SMIM30: variants seen among roughly 807,000 people sequenced by gnomAD.
SMIM30 encodes small integral membrane protein 30, also known as long intergenic non-protein coding RNA 998.
For synonymous variants in SMIM30, 19 were observed against 11.5 expected, an observed-to-expected ratio of 1.65 and a Z score of -1.31; for missense variants, 43 against 27.6, an observed-to-expected ratio of 1.56 and a Z score of -1.25.
chr7:113,117,103 T>C lies in SMIM30; in HGVS notation c.*296A>G. 1 of 324,374 alleles carries C rather than the reference T, an allele frequency of 3.1e-6. No individual in the cohort carries two copies. Among genetic ancestry groups the C allele is most frequent in the South Asian group, 3.3e-5 (1 of 29,934 alleles). The allele number at this position is 324,374 out of a possible 1,614,324, so 20.1% of individuals were successfully genotyped here. ...CTTCCTTCTTCCTATTTCACATGCT[T>C]TGAGAGAATTCTAAGATTATGAAAT... On this transcript the variant is annotated 3_prime_UTR_variant, in exon 3 of 3. Transcript: ENST00000397764.
chr7:113,118,225 C>T (rs1467296130), intron 1 of SMIM30, 64 bp from the exon 2 acceptor site: 3 of 425,684 alleles, frequency 7.0e-6, no homozygotes, highest in South Asian at 1.7e-5. Flanking sequence ...ATTATTATTA[C>T]TATTATTATT....
chr7:113,118,206 TA>T, intron 1 of SMIM30, 45 bp from the exon 2 acceptor site: 3 of 430,298 alleles, frequency 7.0e-6, no homozygotes, highest in Admixed American at 2.7e-5. Flanking sequence ...GAGAAGGATT[TA>T]AAAATTAATT....
Position 113,117,567 on chromosome 7 carries a change from A to C in SMIM30, c.12T>G (p.Val4=). MTS[V]STQLSLVLMS... is the part of the protein sequence containing the mutation. ...TGAGGACTAAGGACAACTGTGTTGA[A>C]ACTGAGGTCATGATGTTGGAATCTT... The change falls in exon 3 of 3, where the codon GTT becomes GTG. Residue 4 remains valine, a synonymous_variant. Coordinates refer to ENST00000397764, the MANE Select transcript of SMIM30 (RefSeq NM_001352688.2). The C allele has an allele frequency of 1.4e-6, 1 of 703,012 alleles. No individual in the cohort carries two copies. Among genetic ancestry groups the C allele is most frequent in the South Asian group, 1.5e-5 (1 of 67,602 alleles). 43.5% of individuals were successfully genotyped at this position (703,012 alleles called of 1,614,324 possible).
Position 113,117,227 on chromosome 7 carries a change from T to G in SMIM30, c.*172A>C, listed in dbSNP as rs1204093985. On this transcript the variant is annotated 3_prime_UTR_variant, in exon 3 of 3. Transcript: ENST00000397764. ...TGCATTATTTGTTGTAAAGAAAACATTTTTTTTTCAATTTATAAATGTATG... is the reference window on the plus strand; with the variant it reads ...TGCATTATTTGTTGTAAAGAAAACAGTTTTTTTTCAATTTATAAATGTATG... 3.7e-6 allele frequency: 2 copies of G among 537,418 alleles called. No homozygotes were observed. The highest frequency in any genetic ancestry group is 6.7e-6 in the Non-Finnish European group (2 of 299,662). The allele number at this position is 537,418 out of a possible 1,614,324, so 33.3% of individuals were successfully genotyped here. A position where few individuals can be genotyped will look rare whatever the true frequency, so the allele number is the denominator to read the frequency against.
intron 2 of SMIM30, 84 bp from the exon 3 acceptor site, chr7:113,117,691 A>C: frequency 1.5e-6 from 1 of 680,122 alleles, no homozygotes; most frequent in South Asian, 1.6e-5. Flanking sequence ...GACAAATAAC[A>C]GGCCAGCCAA....
In SMIM30 at chr7:113,118,490, C is replaced by T. The variant is rs1450919569; in HGVS notation, c.-124+38G>A. ...CTCCTGTTTTACAAATACACTGGTG[C>T]AACCTAAGTATCCTTTGGAGACGAG... On this transcript the variant is annotated intron_variant, in intron 1 of 2. Transcript: ENST00000397764. The T allele has an allele frequency of 8.8e-6, 4 of 456,220 alleles. 1 individual carries two copies. Among genetic ancestry groups the T allele is most frequent in the South Asian group, 6.2e-5 (4 of 64,572 alleles). The allele number at this position is 456,220 out of a possible 1,614,324, so 28.3% of individuals were successfully genotyped here.
At chr7:113,117,858 G>A (rs1312992803) in intron 2 of SMIM30, 8 of 443,114 alleles carry the variant, frequency 1.8e-5, no homozygotes, top group African/African-American at 7.9e-5. Context: ...AACACCTCGT[G>A]CATCAACCAA....
At chr7:113,118,436 G>A (rs1190364595) in intron 1 of SMIM30, 92 bp downstream of exon 1, 1 of 455,940 alleles carries the variant, frequency 2.2e-6, no homozygotes, top group Non-Finnish European at 4.4e-6. Flanking sequence ...AAAAGAATTC[G>A]TACTTTGGCC....
intron 2 of SMIM30, 85 bp downstream of exon 2, chr7:113,117,983 C>A: frequency 2.6e-6 from 1 of 387,018 alleles, no homozygotes; most frequent in Non-Finnish European, 5.0e-6. Flanking sequence ...CTTAGGGTCT[C>A]TCCCATCCAA....
In SMIM30 at chr7:113,117,277, T is replaced by C; in HGVS notation, c.*122A>G. On this transcript the variant is annotated 3_prime_UTR_variant, in exon 3 of 3. Coordinates refer to ENST00000397764, the MANE Select transcript of SMIM30 (RefSeq NM_001352688.2). ...GTTTGTTGCCATTTCATGGAAACAATGAAAAATGTGAAACTCCCTTATTTA... is the reference window on the plus strand; with the variant it reads ...GTTTGTTGCCATTTCATGGAAACAACGAAAAATGTGAAACTCCCTTATTTA... 1 of 604,476 alleles carries C rather than the reference T, an allele frequency of 1.7e-6. No individual in the cohort carries two copies. The highest frequency in any genetic ancestry group is 3.0e-6 in the Non-Finnish European group (1 of 337,166). The allele number at this position is 604,476 out of a possible 1,614,324, so 37.4% of individuals were successfully genotyped here. A position where few individuals can be genotyped will look rare whatever the true frequency, so the allele number is the denominator to read the frequency against.
chr7:113,117,666 A>T, intron 2 of SMIM30, 59 bp from the exon 3 acceptor site: 1 of 694,886 alleles, frequency 1.4e-6, no homozygotes, highest in Non-Finnish European at 2.6e-6. Flanking sequence ...TTTTCAAATG[A>T]CAAAATGAAC....
At chr7:113,117,838 C>A in intron 2 of SMIM30, 2 of 478,598 alleles carry the variant, frequency 4.2e-6, no homozygotes, top group Non-Finnish European at 7.6e-6. Flanking sequence ...GAATTTTCCA[C>A]GATAATGCCA....
At chr7:113,118,210 A>C in intron 1 of SMIM30, 49 bp from the exon 2 acceptor site, 1 of 431,046 alleles carries the variant, frequency 2.3e-6, no homozygotes. Flanking sequence ...AGGATTTAAA[A>C]ATTAATTATT....
At chr7:113,118,265 C>T in intron 1 of SMIM30, 104 bp from the exon 2 acceptor site, 2 of 422,086 alleles carry the variant, frequency 4.7e-6, no homozygotes, top group Non-Finnish European at 9.4e-6. Context: ...CAGTGCAGAG[C>T]GTGGAGGCCA....
intron 2 of SMIM30, 192 bp downstream of exon 2, chr7:113,117,876 T>C (rs150155997): frequency 1.6e-4 from 66 of 413,962 alleles, no homozygotes; most frequent in African/African-American, 1.1e-3. Context: ...CAAACAAAAA[T>C]TGAACAGGAG....
rs1794696574 is a variant in SMIM30 at position 113,117,327 on chromosome 7, C to A, written c.*72G>T. 1 of 691,216 alleles carries A rather than the reference C, an allele frequency of 1.4e-6. No homozygotes were observed. Among genetic ancestry groups the A allele is most frequent in the Admixed American group, 2.0e-5 (1 of 49,378 alleles). 42.8% of individuals were successfully genotyped at this position (691,216 alleles called of 1,614,324 possible). On this transcript the variant is annotated 3_prime_UTR_variant, in exon 3 of 3. Transcript: ENST00000397764. ...ACTGATTCTTGGAACCTTTCACACA[C>A]CAAATCTCAGGTTTAGCCTCTAAAG...
At position 113,117,823 on chromosome 7, in the gene SMIM30, C is replaced by G. The variant is rs949676400; in HGVS notation, c.-29-216G>C. 3 of 508,952 alleles carry G rather than the reference C, an allele frequency of 5.9e-6. No homozygotes were observed. The Admixed American group carries it at 9.6e-5, about 16-fold the overall frequency. The allele number at this position is 508,952 out of a possible 1,614,324, so 31.5% of individuals were successfully genotyped here. ...CCCTATCTCGTGATAACACTCTAAA[C>G]CCAGGAATTTTCCACGATAATGCCA... On this transcript the variant is annotated intron_variant, in intron 2 of 2. Coordinates refer to ENST00000397764, the MANE Select transcript of SMIM30 (RefSeq NM_001352688.2).
intron 1 of SMIM30, 151 bp downstream of exon 1, chr7:113,118,377 G>T: frequency 8.8e-6 from 4 of 453,994 alleles, no homozygotes; most frequent in South Asian, 6.2e-5. Context: ...AAGGTAAAAA[G>T]AAACAGAACA....
intron 2 of SMIM30, chr7:113,117,840 A>G (rs571850236): frequency 4.1e-6 from 2 of 483,248 alleles, no homozygotes; most frequent in South Asian, 4.3e-5. Flanking sequence ...ATTTTCCACG[A>G]TAATGCCAAC....
Sources: gnomAD v4.1 joint callset for allele counts on GRCh38, gnomAD v4.1.1 for gene constraint, MANE v1.5 for transcripts, NCBI Gene and HGNC (gene_info 2026-07-23, HGNC 2026-07-21) for gene names.